Variants in CKAP5 observed in about 807,000 individuals in gnomAD.
CKAP5 encodes cytoskeleton associated protein 5.
A neutral mutation model predicts 232.8 loss-of-function variants in CKAP5; 27 were observed. The ratio of observed to expected loss-of-function variants is 0.12; its 90% confidence interval spans 0.09 to 0.16. The LOEUF is 0.16. Among genes scored for constraint, CKAP5 ranks in the 10% least tolerant of loss-of-function variants. The probability of loss-of-function intolerance (pLI) is 1.00; values close to 1 mark genes in which losing one functional copy is unlikely to be tolerated. For missense variants in CKAP5, 1,838 were observed against 2,424.7 expected (o/e 0.76, Z 5.08); for synonymous variants, 785 against 841.1 (o/e 0.93, Z 1.16).
At chr11:46,822,765 G>C (rs912774399) in intron 1 of CKAP5, among the ~76,000 whole-genome samples, 4 of 112,360 alleles carry the variant, frequency 3.6e-5, no homozygotes, top group Non-Finnish European at 5.6e-5. Flanking sequence ...AAAAAAAAAA[G>C]AAAGAAAAGG....
At chr11:46,786,542 C>T (rs1221491682) in intron 16 of CKAP5, among the ~76,000 whole-genome samples, 2 of 152,226 alleles carry the variant, frequency 1.3e-5, no homozygotes, top group Non-Finnish European at 2.9e-5. Context: ...TGAGTGGCAA[C>T]TGTTTAACAT....
At chr11:46,789,653 G>A (rs200691015) in intron 15 of CKAP5, among the ~76,000 whole-genome samples, 2 of 151,430 alleles carry the variant, frequency 1.3e-5, no homozygotes, top group Admixed American at 6.6e-5. Flanking sequence ...AAAATTAGCC[G>A]GGTGTGGTGG....
intron 26 of CKAP5, among the ~76,000 whole-genome samples, chr11:46,769,076 C>T (rs945254889): frequency 5.9e-5 from 9 of 152,082 alleles, no homozygotes; most frequent in African/African-American, 2.2e-4. Context: ...TGCACCACCA[C>T]ACCCAGCTAA....
At position 46,805,166 on chromosome 11, in the gene CKAP5, T is replaced by C. The variant is rs569750357; in HGVS notation, c.978+2865A>G. 4.6e-5 allele frequency among the ~76,000 whole-genome samples: 7 copies of C among 151,956 alleles called. No homozygotes were observed. In the Middle Eastern group the frequency reaches 0.017, roughly 372 times the overall value. On this transcript the variant is annotated intron_variant, in intron 8 of 43. Coordinates refer to ENST00000529230, the MANE Select transcript of CKAP5 (RefSeq NM_001008938.4). ...AGGAGAATCGCTTGAACTCGGGAGA[T>C]GGAGGTTGCAGTGAGCTGAGATCGT...
At position 46,801,292 on chromosome 11, in the gene CKAP5, C is replaced by T; in HGVS notation, c.991G>A (p.Asp331Asn). 6.2e-7 allele frequency: 1 copy of T among 1,613,076 alleles called. No homozygotes were observed. The highest frequency in any genetic ancestry group is 8.5e-7 in the Non-Finnish European group (1 of 1,179,196). ...AAAGCCACCAACATGACATTGGTGT[C>T]CTTTCCAACAACCTACAAAGGGGGG... ...VKALKKVVGK[D>N]TNVMLVALAA... Residue 331 changes from aspartate (D) to asparagine (N), a missense_variant, in exon 9 of 44, where the codon GAC (aspartate) becomes AAC (asparagine). Transcript: ENST00000529230.
At position 46,829,049 on chromosome 11, in the gene CKAP5, T is replaced by C. The variant is rs114914048; in HGVS notation, c.-37-7781A>G. Among the ~76,000 whole-genome samples the C allele has an allele frequency of 6.4e-3, 968 of 152,308 alleles. 11 individuals carry two copies. Among genetic ancestry groups the C allele is most frequent in the Non-Finnish European group, 9.8e-3 (666 of 68,032 alleles). On this transcript the variant is annotated intron_variant, in intron 1 of 43. Transcript: ENST00000529230. Reference sequence around the variant, plus strand: ...TTTACCATACACAAAAAATGAGACATTCGTCTATACAAAAATTGCTTTGCA... The same window carrying C: ...TTTACCATACACAAAAAATGAGACACTCGTCTATACAAAAATTGCTTTGCA...
intron 22 of CKAP5, 92 bp downstream of exon 22, chr11:46,778,047 C>T: frequency 9.9e-7 from 1 of 1,012,310 alleles, no homozygotes; most frequent in Non-Finnish European, 1.4e-6. Context: ...AAAGTAACCA[C>T]TTATTTTTTG....
intron 35 of CKAP5, 74 bp downstream of exon 35, chr11:46,758,849 G>A (rs572891907): frequency 7.9e-6 from 12 of 1,528,606 alleles, no homozygotes; most frequent in Middle Eastern, 1.7e-4. Flanking sequence ...ATGACTCTGC[G>A]AGTGTGCAAT....
At chr11:46,784,394 T>C (rs574038801) in intron 17 of CKAP5, 94 bp downstream of exon 17, 1 of 1,011,486 alleles carries the variant, frequency 9.9e-7, no homozygotes, top group Non-Finnish European at 1.5e-6. Context: ...AAGATTTTAC[T>C]TGAGAAGATA....
chr11:46,813,864 G>A (rs2134678294), intron 4 of CKAP5, among the ~76,000 whole-genome samples: 1 of 152,226 alleles, frequency 6.6e-6, no homozygotes, highest in Non-Finnish European at 1.5e-5. Context: ...GCCAGGTGCG[G>A]TTGCTTATGT....
intron 1 of CKAP5, among the ~76,000 whole-genome samples, chr11:46,841,643 A>G (rs1792778477): frequency 6.6e-6 from 1 of 152,204 alleles, no homozygotes; most frequent in South Asian, 2.1e-4. Flanking sequence ...GAATCCAGAG[A>G]TGGATCCAAC....
chr11:46,743,763 G>T lies in CKAP5; in HGVS notation c.*260C>A, dbSNP rs935462877. 4.2e-6 allele frequency: 2 copies of T among 480,004 alleles called. No homozygotes were observed. The highest frequency in any genetic ancestry group is 1.9e-5 in the African/African-American group (1 of 52,028). 29.7% of individuals were successfully genotyped at this position (480,004 alleles called of 1,614,324 possible). A position where few individuals can be genotyped will look rare whatever the true frequency, so the allele number is the denominator to read the frequency against. ...AGAAAAGAAAAGGATCTGGGAACTA[G>T]ACTGAGCAGAGAGGGGGCAGCTGTT... On this transcript the variant is annotated 3_prime_UTR_variant, in exon 44 of 44. Coordinates refer to ENST00000529230, the MANE Select transcript of CKAP5 (RefSeq NM_001008938.4).
At chr11:46,803,269 C>CA (rs967172836) in intron 8 of CKAP5, among the ~76,000 whole-genome samples, 6 of 150,966 alleles carry the variant, frequency 4.0e-5, no homozygotes, top group African/African-American at 9.7e-5. Flanking sequence ...ATCTCAGAAA[C>CA]AAAAAAACAA....
intron 1 of CKAP5, among the ~76,000 whole-genome samples, chr11:46,826,518 G>T (rs1331369185): frequency 6.6e-6 from 1 of 152,192 alleles, no homozygotes; most frequent in Non-Finnish European, 1.5e-5. Flanking sequence ...GTAAGAACCA[G>T]GTGGGGGCAA....
intron 11 of CKAP5, 35 bp downstream of exon 11, chr11:46,797,770 T>A: frequency 6.3e-7 from 1 of 1,576,898 alleles, no homozygotes; most frequent in Non-Finnish European, 8.6e-7. Context: ...TGCCTAGGTA[T>A]AAAATATTCC....
At chr11:46,759,134 T>A (rs2065135578) in intron 34 of CKAP5, 91 bp from the exon 35 acceptor site, 1 of 1,529,104 alleles carries the variant, frequency 6.5e-7, no homozygotes, top group East Asian at 2.3e-5. Flanking sequence ...GGTCCAGGTC[T>A]TAGTTAACAA....
chr11:46,769,821 G>A, intron 26 of CKAP5, 142 bp downstream of exon 26: 1 of 906,948 alleles, frequency 1.1e-6, no homozygotes. Context: ...AAGTGTTTGT[G>A]AAAGGAAAGT....
At position 46,743,621 on chromosome 11, in the gene CKAP5, C is replaced by G. The variant is rs747862732; in HGVS notation, c.*402G>C. ...TGCATTCATACAGAATACAGTGACC[C>G]TTCAGGGCGACAGAGAAGAGCTCAC... On this transcript the variant is annotated 3_prime_UTR_variant, in exon 44 of 44. Coordinates refer to ENST00000529230, the MANE Select transcript of CKAP5 (RefSeq NM_001008938.4). 1 of 201,838 alleles carries G rather than the reference C, an allele frequency of 5.0e-6. No homozygotes were observed. The highest frequency in any genetic ancestry group is 1.0e-5 in the Non-Finnish European group (1 of 97,082). 12.5% of individuals were successfully genotyped at this position (201,838 alleles called of 1,614,324 possible). A position where few individuals can be genotyped will look rare whatever the true frequency, so the allele number is the denominator to read the frequency against.
chr11:46,834,985 T>TC (rs934326847), intron 1 of CKAP5, among the ~76,000 whole-genome samples: 25 of 147,782 alleles, frequency 1.7e-4, no homozygotes, highest in Non-Finnish European at 1.6e-4. Flanking sequence ...TTTTTTTTTT[T>TC]CCTAGATATG....
Sources: allele counts gnomAD v4.1 joint callset (sites outside exome capture counted in the v4.1 genomes callset), GRCh38; gene constraint gnomAD v4.1.1; transcripts MANE v1.5; gene names NCBI Gene and HGNC (gene_info 2026-07-23, HGNC 2026-07-21).